DRC9: variants seen among roughly 807,000 people sequenced by gnomAD.
DRC9 encodes dynein regulatory complex subunit 9.
At chr3:197,893,156 G>A in the DRC9 span, among the ~76,000 whole-genome samples, 2 of 152,030 alleles carry the variant, frequency 1.3e-5, no homozygotes, top group East Asian at 1.9e-4. Flanking sequence ...TCAGGAGTTC[G>A]AGACCAGTCT....
the DRC9 span, chr3:197,912,993 G>GT: frequency 2.1e-6 from 1 of 467,886 alleles, no homozygotes; most frequent in Non-Finnish European, 3.9e-6. Flanking sequence ...GGTGCCCACT[G>GT]AAGGACAGAA....
At chr3:197,922,048 T>C in the DRC9 span, among the ~76,000 whole-genome samples, 1 of 152,134 alleles carries the variant, frequency 6.6e-6, no homozygotes, top group Admixed American at 6.5e-5. Flanking sequence ...ACTCTGGGGA[T>C]TTCACCTGGT....
At chr3:197,935,941 AG>A in the DRC9 span, among the ~76,000 whole-genome samples, 1 of 152,130 alleles carries the variant, frequency 6.6e-6, no homozygotes, top group African/African-American at 2.4e-5. Flanking sequence ...TGCAAATAAA[AG>A]CCAATTAAGA....
At chr3:197,913,818 G>A in the DRC9 span, 243 of 1,490,710 alleles carry the variant, frequency 1.6e-4, 1 homozygote, top group South Asian at 2.5e-3. Flanking sequence ...TAGCTGAGAG[G>A]GGATCAGGAG....
At chr3:197,892,037 G>A in the DRC9 span, among the ~76,000 whole-genome samples, 2 of 152,100 alleles carry the variant, frequency 1.3e-5, no homozygotes, top group African/African-American at 2.4e-5. Context: ...TTACAGCCAC[G>A]TGCCACCATG....
the DRC9 span, chr3:197,944,173 T>C: frequency 3.5e-6 from 3 of 852,302 alleles, no homozygotes; most frequent in Non-Finnish European, 5.4e-6. Context: ...TAATAGAACC[T>C]AGATGAAAAA....
the DRC9 span, chr3:197,957,059 G>A: frequency 6.6e-6 from 1 of 152,208 alleles, no homozygotes; most frequent in Non-Finnish European, 1.5e-5. Context: ...TGCTGGAAAT[G>A]TATTAGGATA....
chr3:197,917,995 A>G, the DRC9 span, among the ~76,000 whole-genome samples: 1 of 151,852 alleles, frequency 6.6e-6, no homozygotes, highest in African/African-American at 2.4e-5. Flanking sequence ...TCAGCCTCCC[A>G]AAGTGCTGGG....
the DRC9 span, chr3:197,932,229 G>T: frequency 1.2e-6 from 2 of 1,613,268 alleles, no homozygotes; most frequent in African/African-American, 2.7e-5. Flanking sequence ...CTCAAAGCTT[G>T]CAGGAGACTG....
At chr3:197,926,523 C>T in the DRC9 span, among the ~76,000 whole-genome samples, 18 of 152,092 alleles carry the variant, frequency 1.2e-4, no homozygotes, top group Non-Finnish European at 1.8e-4. Flanking sequence ...TGAGAAAATG[C>T]GGTGTAGACA....
At chr3:197,916,975 CG>C in the DRC9 span, among the ~76,000 whole-genome samples, 1 of 152,062 alleles carries the variant, frequency 6.6e-6, no homozygotes, top group Non-Finnish European at 1.5e-5. Context: ...CATCCTGGGC[CG>C]CATGTGGCCT....
chr3:197,952,073 A>T, the DRC9 span, among the ~76,000 whole-genome samples: 2 of 150,670 alleles, frequency 1.3e-5, no homozygotes, highest in Non-Finnish European at 3.0e-5. Context: ...TAAGGTTTCT[A>T]ATTTTTTTTC....
the DRC9 span, among the ~76,000 whole-genome samples, chr3:197,954,983 C>T: frequency 2.0e-5 from 3 of 152,292 alleles, no homozygotes; most frequent in Admixed American, 2.0e-4. Context: ...AACAGACTCT[C>T]ATGTTCCTAG....
At chr3:197,954,104 G>A in the DRC9 span, 557 of 1,614,172 alleles carry the variant, frequency 3.5e-4, no homozygotes, top group African/African-American at 6.5e-3. Flanking sequence ...GCCAAATTCC[G>A]AAGCAATCTT....
chr3:197,911,864 T>C, the DRC9 span, among the ~76,000 whole-genome samples: 1 of 152,030 alleles, frequency 6.6e-6, no homozygotes, highest in Non-Finnish European at 1.5e-5. Flanking sequence ...GGTCTCGAAC[T>C]CCTGACCTCA....
At chr3:197,891,983 G>A in the DRC9 span, among the ~76,000 whole-genome samples, 1 of 152,154 alleles carries the variant, frequency 6.6e-6, no homozygotes, top group African/African-American at 2.4e-5. Flanking sequence ...TCCGCCTTCT[G>A]GGTTCAAGTG....
chr3:197,953,844 C>T, the DRC9 span: 4 of 716,384 alleles, frequency 5.6e-6, no homozygotes, highest in African/African-American at 3.5e-5. Context: ...AATAGTTACT[C>T]GATAAGTATC....
the DRC9 span, among the ~76,000 whole-genome samples, chr3:197,927,002 AC>A: frequency 8.5e-5 from 13 of 152,182 alleles, no homozygotes; most frequent in African/African-American, 3.1e-4. Flanking sequence ...CAAACTCAGG[AC>A]TGTCGGACAC....
At chr3:197,915,163 CAAAAAA>C in the DRC9 span, among the ~76,000 whole-genome samples, 3 of 71,364 alleles carry the variant, frequency 4.2e-5, no homozygotes, top group South Asian at 5.2e-4. Flanking sequence ...GATTCTGTCT[CAAAAAA>C]AAAAAAAAAA....
Sources: gnomAD v4.1 joint callset for allele counts (sites outside exome capture counted in the v4.1 genomes callset) on GRCh38, gnomAD v4.1.1 for gene constraint, MANE v1.5 for transcripts, NCBI Gene and HGNC (gene_info 2026-07-23, HGNC 2026-07-21) for gene names.